The following TXNRD1 variants were observed in gnomAD, a reference collection of about 807,000 sequenced individuals.
The protein encoded by TXNRD1 is thioredoxin reductase 1, also known as thioredoxin reductase 1, cytoplasmic.
In TXNRD1, 57 loss-of-function variants were observed where a neutral mutation model predicts 80.3. The ratio of observed to expected loss-of-function variants is 0.71; its 90% CI spans 0.57 to 0.89. TXNRD1 has a LOEUF of 0.89. Among genes scored for constraint, TXNRD1 ranks in the 40% least tolerant of loss-of-function variants. The pLI, the probability that TXNRD1 is intolerant of heterozygous loss-of-function variation, is 0.00. For missense variants in TXNRD1, 730 were observed against 803.0 expected (o/e 0.91, Z 1.10); for synonymous variants, 291 against 285.2 (o/e 1.02, Z -0.20).
At chr12:104,283,240 G>T (rs1462905561) in intron 3 of TXNRD1, among the ~76,000 whole-genome samples, 1 of 151,952 alleles carries the variant, frequency 6.6e-6, no homozygotes, top group Non-Finnish European at 1.5e-5. Flanking sequence ...TCTTCACACT[G>T]TCTTTTTTGT....
At chr12:104,335,924 A>G (rs144038948) in intron 15 of TXNRD1, among the ~76,000 whole-genome samples, 1 of 152,358 alleles carries the variant, frequency 6.6e-6, no homozygotes, top group Admixed American at 6.5e-5. Context: ...ATCCTCTGCA[A>G]AAAAGATTCA....
At chr12:104,334,540 A>C (rs1389142148) in intron 15 of TXNRD1, among the ~76,000 whole-genome samples, 1 of 151,862 alleles carries the variant, frequency 6.6e-6, no homozygotes, top group Non-Finnish European at 1.5e-5. Flanking sequence ...GCGCCACCAC[A>C]CTGGCTAATT....
intron 16 of TXNRD1, among the ~76,000 whole-genome samples, chr12:104,343,757 C>T (rs767297208): frequency 5.5e-4 from 84 of 151,938 alleles, no homozygotes; most frequent in Non-Finnish European, 2.6e-4. Context: ...GCCAAGATCA[C>T]GCCACTGCAC....
intron 3 of TXNRD1, 115 bp from the exon 4 acceptor site, chr12:104,288,816 A>G (rs1280477581): frequency 6.2e-6 from 10 of 1,605,704 alleles, no homozygotes; most frequent in Middle Eastern, 1.7e-4. Flanking sequence ...GGGAGTCAAC[A>G]GAGGGCACGC....
chr12:104,240,244 G>A (rs2032829958), intron 1 of TXNRD1, among the ~76,000 whole-genome samples: 1 of 152,182 alleles, frequency 6.6e-6, no homozygotes, highest in Non-Finnish European at 1.5e-5. Flanking sequence ...TACTGAATCA[G>A]AGAGAGTCTA....
At chr12:104,261,774 C>T (rs1176336926) in intron 3 of TXNRD1, among the ~76,000 whole-genome samples, 6 of 152,032 alleles carry the variant, frequency 3.9e-5, no homozygotes, top group Non-Finnish European at 5.9e-5. Flanking sequence ...TATTTTGAGA[C>T]GAAATAAGTG....
In TXNRD1 at chr12:104,348,476, C is replaced by T. The variant is rs1485257965; in HGVS notation, c.*55C>T. On this transcript the variant is annotated 3_prime_UTR_variant, in exon 17 of 17. Coordinates refer to ENST00000525566, the MANE Select transcript of TXNRD1 (RefSeq NM_001093771.3). The stretch of plus-strand genomic sequence containing the variant: ...GCAAACCACTGGCTCGTTTCCGTGC[C>T]CAAATCCAAGGCGAAGTTTTCTAGA... 5 of 1,585,456 alleles carry T rather than the reference C, an allele frequency of 3.2e-6. No homozygotes were observed. The African/African-American group carries it at 6.7e-5, about 21-fold the overall frequency.
At chr12:104,267,704 TCTTTCTTTCTTTCTTTCTC>T (rs1565870314) in intron 3 of TXNRD1, among the ~76,000 whole-genome samples, 2 of 24,918 alleles carry the variant, frequency 8.0e-5, no homozygotes, top group Non-Finnish European at 1.7e-4. Context: ...TTTCTTTCTC[TCTTTCTTTCTTTCTTTCTC>T]TTTCTTTCTT....
intron 7 of TXNRD1, among the ~76,000 whole-genome samples, chr12:104,318,640 G>A (rs1333123279): frequency 3.3e-5 from 5 of 152,066 alleles, no homozygotes; most frequent in Non-Finnish European, 7.4e-5. Flanking sequence ...TAAAATTCAA[G>A]TTCGTTTCTA....
At chr12:104,227,482 G>C (rs765728223) in intron 1 of TXNRD1, among the ~76,000 whole-genome samples, 1 of 152,088 alleles carries the variant, frequency 6.6e-6, no homozygotes, top group Non-Finnish European at 1.5e-5. Context: ...GGCCAGGCTG[G>C]TCTCAAACTC....
At chr12:104,248,324 GC>G (rs1384287987) in intron 1 of TXNRD1, among the ~76,000 whole-genome samples, 3 of 151,078 alleles carry the variant, frequency 2.0e-5, no homozygotes, top group African/African-American at 7.4e-5. Context: ...TCACTCTGTT[GC>G]CCAGGCTGGA....
intron 15 of TXNRD1, among the ~76,000 whole-genome samples, chr12:104,337,395 T>C (rs575561113): frequency 6.6e-6 from 1 of 152,146 alleles, no homozygotes; most frequent in South Asian, 2.1e-4. Context: ...TTGCACTAGA[T>C]AGTCTAGTCA....
chr12:104,323,258 C>G (rs1321251505), intron 10 of TXNRD1, among the ~76,000 whole-genome samples: 1 of 146,182 alleles, frequency 6.8e-6, no homozygotes, highest in Non-Finnish European at 1.5e-5. Context: ...CCACCTTTCC[C>G]GCCTTTCTAT....
rs181930833 is a variant in TXNRD1 at position 104,319,717 on chromosome 12, G to C, written c.989+132G>C. On this transcript the variant is annotated intron_variant, in intron 9 of 16. Coordinates refer to ENST00000525566, the MANE Select transcript of TXNRD1 (RefSeq NM_001093771.3). Reference sequence around the variant, plus strand: ...TTGCCACATTGTGCCCTCTCTGGGGGCAGGGGTTTGGGAGAAAGAGAAAAA... The same window carrying C: ...TTGCCACATTGTGCCCTCTCTGGGGCCAGGGGTTTGGGAGAAAGAGAAAAA... 2.2e-4 allele frequency: 151 copies of C among 687,036 alleles called. No homozygotes were observed. The African/African-American group carries it at 2.3e-3, about 11-fold the overall frequency. The allele number at this position is 687,036 out of a possible 1,614,324, so 42.6% of individuals were successfully genotyped here.
chr12:104,325,818 G>A (rs1053226717), intron 11 of TXNRD1, among the ~76,000 whole-genome samples: 22 of 150,510 alleles, frequency 1.5e-4, no homozygotes, highest in Non-Finnish European at 2.9e-4. Context: ...GTTGCAGTGA[G>A]CCGAGATTGT....
chr12:104,219,989 G>A (rs2032313512), intron 1 of TXNRD1, among the ~76,000 whole-genome samples: 1 of 152,202 alleles, frequency 6.6e-6, no homozygotes, highest in African/African-American at 2.4e-5. Context: ...CAGCCTCAGA[G>A]TGAAGGAAGC....
chr12:104,312,663 CTT>C (rs1182092399), intron 5 of TXNRD1, among the ~76,000 whole-genome samples: 2 of 152,278 alleles, frequency 1.3e-5, no homozygotes, highest in South Asian at 2.1e-4. Flanking sequence ...ACTTCTAACT[CTT>C]GTTTCCCTCC....
chr12:104,330,041 G>A (rs1006618961), intron 13 of TXNRD1, among the ~76,000 whole-genome samples: 13 of 152,206 alleles, frequency 8.5e-5, no homozygotes, highest in African/African-American at 3.1e-4. Context: ...GAGGGTAAAT[G>A]TGGTCCCTGA....
intron 5 of TXNRD1, 62 bp downstream of exon 5, chr12:104,311,474 C>T: frequency 6.4e-7 from 1 of 1,572,360 alleles, no homozygotes; most frequent in Non-Finnish European, 8.6e-7. Flanking sequence ...ATTAACATCC[C>T]TGACAGGGTT....
Sources: gnomAD v4.1 joint callset for allele counts (sites outside exome capture counted in the v4.1 genomes callset) on GRCh38, gnomAD v4.1.1 for gene constraint, MANE v1.5 for transcripts, NCBI Gene and HGNC (gene_info 2026-07-23, HGNC 2026-07-21) for gene names.